Variants in ERCC6L2 observed in about 807,000 individuals in gnomAD.
ERCC6L2 encodes the protein ERCC excision repair 6 like 2, also known as DNA excision repair protein ERCC-6-like 2.
In ERCC6L2, 77 loss-of-function variants were observed where a neutral mutation model predicts 132.0. The observed-to-expected ratio is 0.58, with a 90% CI of 0.49 to 0.71. The LOEUF (loss-of-function observed/expected upper bound fraction) is 0.71. ERCC6L2 is among the 30% of genes least tolerant of loss of function. The probability of loss-of-function intolerance (pLI) is 0.00; values close to 1 mark genes in which losing one functional copy is unlikely to be tolerated. For synonymous variants in ERCC6L2, 583 were observed against 632.4 expected, an observed-to-expected ratio of 0.92 and a Z score of 1.17; for missense variants, 1,542 against 1,837.6, an observed-to-expected ratio of 0.84 and a Z score of 2.94.
intron 4 of ERCC6L2, among the ~76,000 whole-genome samples, chr9:95,909,366 A>C (rs889122070): frequency 5.9e-5 from 9 of 152,264 alleles, no homozygotes; most frequent in African/African-American, 2.2e-4. Context: ...ACTGACTCCT[A>C]GTTTTGACAA....
intron 4 of ERCC6L2, among the ~76,000 whole-genome samples, chr9:95,911,650 G>T (rs529589816): frequency 1.3e-5 from 2 of 152,172 alleles, no homozygotes; most frequent in East Asian, 3.9e-4. Flanking sequence ...TTTTTGTGAG[G>T]ATAGTGCTCT....
intron 2 of ERCC6L2, among the ~76,000 whole-genome samples, chr9:95,886,838 C>G (rs1220662154): frequency 6.6e-6 from 1 of 152,150 alleles, no homozygotes; most frequent in Non-Finnish European, 1.5e-5. Context: ...ATCTGGCAGG[C>G]ACAGTCTTAT....
intron 18 of ERCC6L2, among the ~76,000 whole-genome samples, chr9:96,005,723 G>A (rs1833842550): frequency 6.6e-6 from 1 of 152,014 alleles, no homozygotes; most frequent in Non-Finnish European, 1.5e-5. Context: ...AAAGAGTTTG[G>A]ATTTTGTTCC....
intron 13 of ERCC6L2, among the ~76,000 whole-genome samples, chr9:95,961,452 C>T (rs1831896605): frequency 1.3e-5 from 2 of 152,218 alleles, no homozygotes; most frequent in South Asian, 4.1e-4. Flanking sequence ...CTATGGACAC[C>T]TTGATTTCAG....
At chr9:96,021,070 C>T (rs1015703131), downstream of ERCC6L2, 11 of 447,420 alleles carry the variant, frequency 2.5e-5, no homozygotes, top group Non-Finnish European at 3.6e-5. The surrounding 1 kb of genome is among the most constrained non-coding windows in gnomAD (Gnocchi z 4.7). Context: ...ACCGCCTGCG[C>T]CGGGCACAGG....
chr9:95,880,313 T>C (rs1030985777), intron 1 of ERCC6L2, among the ~76,000 whole-genome samples: 4 of 152,110 alleles, frequency 2.6e-5, no homozygotes, highest in Admixed American at 1.3e-4. Context: ...AGAAAGGCAA[T>C]GGAATAACTG....
chr9:96,018,545 C>T (rs1014348879), downstream of ERCC6L2, among the ~76,000 whole-genome samples: 1 of 151,912 alleles, frequency 6.6e-6, no homozygotes, highest in Non-Finnish European at 1.5e-5. Flanking sequence ...ACTGCAGCCT[C>T]GACCTCCCAG....
intron 17 of ERCC6L2, among the ~76,000 whole-genome samples, chr9:96,002,596 A>AT (rs536477928): frequency 2.7e-4 from 41 of 150,440 alleles, no homozygotes; most frequent in South Asian, 6.3e-4. Flanking sequence ...TAGTTTTTGT[A>AT]TTTTTTTTTG....
rs1830206728 is a variant in ERCC6L2, at chr9:95,928,716, T to C, written c.1606-3T>C. 1.9e-6 allele frequency: 3 copies of C among 1,596,242 alleles called. No individual in the cohort carries two copies. The highest frequency in any genetic ancestry group is 1.8e-5 in the Admixed American group (1 of 55,610). On this transcript the variant is annotated splice_polypyrimidine_tract_variant and splice_region_variant and intron_variant, in intron 10 of 18. Transcript: ENST00000653738. Reference sequence around the variant, plus strand: ...TTTGCCCATCTTCATACCTCTCGTCTAGTTGCTTGACGTGCTACAGCAGTA... The same window carrying C: ...TTTGCCCATCTTCATACCTCTCGTCCAGTTGCTTGACGTGCTACAGCAGTA...
In ERCC6L2 at chr9:95,881,218, G is replaced by T. The variant is rs375681798; in HGVS notation, c.396G>T (p.Arg132=). The part of the protein sequence containing the change: ...YLRDYQREGT[R]FLYGHYIHGG... ...GAGACTACCAAAGAGAAGGAACCCG[G>T]TTTCTTTATGGACACTACATCCATG... Residue 132 remains arginine, a synonymous_variant, in exon 2 of 19, where the codon CGG becomes CGT. Coordinates refer to ENST00000653738, the MANE Select transcript of ERCC6L2 (RefSeq NM_020207.7). The T allele has an allele frequency of 1.9e-6, 3 of 1,605,386 alleles. No individual in the cohort carries two copies. Among genetic ancestry groups the T allele is most frequent in the Admixed American group, 3.5e-5 (2 of 57,320 alleles).
At chr9:96,037,045 C>T (rs947281873) in intron 19 of ERCC6L2, among the ~76,000 whole-genome samples, 6 of 152,114 alleles carry the variant, frequency 3.9e-5, no homozygotes, top group Admixed American at 2.6e-4. Context: ...GGATTACAGG[C>T]GTGAGCCACT....
intron 12 of ERCC6L2, chr9:95,954,732 C>G (rs758646205): frequency 2.1e-6 from 1 of 469,758 alleles, no homozygotes; most frequent in East Asian, 7.0e-5. Flanking sequence ...CTTTAGAACC[C>G]AAACACATTG....
At chr9:95,899,780 ATAACC>A in intron 3 of ERCC6L2, among the ~76,000 whole-genome samples, 1 of 152,186 alleles carries the variant, frequency 6.6e-6, no homozygotes, top group South Asian at 2.1e-4. Flanking sequence ...GTATTTGCAT[ATAACC>A]TGTTATCCTC....
At chr9:95,927,022 C>T (rs1830130393) in intron 9 of ERCC6L2, among the ~76,000 whole-genome samples, 2 of 152,000 alleles carry the variant, frequency 1.3e-5, no homozygotes. Flanking sequence ...AAATTACATA[C>T]TTCATATAGA....
chr9:95,909,516 GT>G (rs1829240665), intron 4 of ERCC6L2, among the ~76,000 whole-genome samples: 1 of 152,184 alleles, frequency 6.6e-6, no homozygotes, highest in Non-Finnish European at 1.5e-5. Context: ...TTATAGGTGA[GT>G]TTAAGCTATT....
At chr9:95,892,464 C>T (rs1828222980) in intron 2 of ERCC6L2, among the ~76,000 whole-genome samples, 1 of 146,800 alleles carries the variant, frequency 6.8e-6, no homozygotes, top group South Asian at 2.2e-4. Flanking sequence ...CCTGCTCCCT[C>T]ACCCAGGCTG....
chr9:95,907,095 T>C lies in ERCC6L2; in HGVS notation c.612T>C (p.Ala204=). Residue 204 remains alanine, a synonymous_variant, in exon 4 of 19, where the codon GCT becomes GCC. Transcript: ENST00000653738. The part of the protein sequence containing the change: ...STAKKMFLIV[A]PLSVLYNWKD... ...TGTTTTAGATGTTCTTAATAGTTGCTCCTCTTTCTGTCCTCTACAACTGGA... is the reference window on the plus strand; with the variant it reads ...TGTTTTAGATGTTCTTAATAGTTGCCCCTCTTTCTGTCCTCTACAACTGGA... 1 of 1,602,164 alleles carries C rather than the reference T, an allele frequency of 6.2e-7. No homozygotes were observed. The highest frequency in any genetic ancestry group is 1.1e-5 in the South Asian group (1 of 87,876).
In ERCC6L2 at chr9:95,922,392, C is replaced by T. The variant is rs1829911008; in HGVS notation, c.1387C>T (p.Gln463Ter). 1.2e-6 allele frequency: 2 copies of T among 1,611,104 alleles called. No homozygotes were observed. Among genetic ancestry groups the T allele is most frequent in the African/African-American group, 2.7e-5 (2 of 74,864 alleles). ...QKVANHVALL[Q>*]AASTSKQQET... Reference sequence around the variant, plus strand: ...GGTAGCTAACCATGTCGCGCTACTGCAAGCTGCTAGTACTTCCAAACAACA... The same window carrying T: ...GGTAGCTAACCATGTCGCGCTACTGTAAGCTGCTAGTACTTCCAAACAACA... Residue 463 changes from glutamine to a stop codon, truncating the protein, a stop_gained, in exon 8 of 19, where the codon CAA becomes TAA. Coordinates refer to ENST00000653738, the MANE Select transcript of ERCC6L2 (RefSeq NM_020207.7). LOFTEE classifies it high-confidence loss of function.
At chr9:95,964,946 T>G (rs1832085044) in intron 13 of ERCC6L2, among the ~76,000 whole-genome samples, 1 of 152,170 alleles carries the variant, frequency 6.6e-6, no homozygotes. Context: ...CCTTGGTGAT[T>G]ATAGTTACAG....
Sources: gnomAD v4.1 joint callset for allele counts (sites outside exome capture counted in the v4.1 genomes callset) on GRCh38, gnomAD v4.1.1 for gene constraint, Gnocchi (gnomAD v3.1) non-coding constraint, MANE v1.5 for transcripts, NCBI Gene and HGNC (gene_info 2026-07-23, HGNC 2026-07-21) for gene names.